TCEANC: variants seen among roughly 807,000 people sequenced by gnomAD.
TCEANC encodes transcription elongation factor A N-terminal and central domain containing, also known as transcription elongation factor A N-terminal and central domain-containing protein.
In TCEANC, 8 loss-of-function variants were observed where a neutral mutation model predicts 8.7. The observed-to-expected ratio is 0.92, with a 90% confidence interval of 0.54 to 1.65. The LOEUF is 1.65. Among genes scored for constraint, TCEANC ranks in the 40% most tolerant of loss-of-function variants. The pLI, the probability that TCEANC is intolerant of heterozygous loss-of-function variation, is 0.00. For synonymous variants in TCEANC, 78 were observed against 92.9 expected (o/e 0.84, Z 0.92); for missense variants, 255 against 251.9 (o/e 1.01, Z -0.08).
upstream of TCEANC, among the ~76,000 whole-genome samples, chrX:13,653,980 A>T (rs2045904211): frequency 8.9e-6 from 1 of 112,143 alleles, no homozygotes; most frequent in South Asian, 3.7e-4. Context: ...TCAGTTCTAG[A>T]ACCGTGGCGT....
At chrX:13,663,426 A>G in exon 2 of TCEANC, 1 of 1,182,898 alleles carries the variant, frequency 8.5e-7, no homozygotes. Context: ...ACAATTGCAA[A>G]GTCACTGTAA....
At chrX:13,657,386 A>G (rs942289358) in intron 1 of TCEANC, among the ~76,000 whole-genome samples, 3 of 112,218 alleles carry the variant, frequency 2.7e-5, no homozygotes, top group African/African-American at 9.7e-5. Flanking sequence ...TTTAGAGAAT[A>G]TTTAATGATG....
chrX:13,662,875 C>G lies in TCEANC; in HGVS notation c.367C>G (p.Leu123Val). 8.3e-7 allele frequency: 1 copy of G among 1,211,849 alleles called. No individual in the cohort carries two copies. The highest frequency in any genetic ancestry group is 1.8e-5 in the South Asian group (1 of 57,012). ...ACTGGGCATCTGCAGCTCGAATTCT[C>G]TGTCTTCCCAAGACGTTGCAAAACT... is the stretch of plus-strand genomic sequence containing the variant. The change falls in exon 2 of 2, where the codon CTG (leucine) becomes GTG (valine). Residue 123 changes from leucine to valine, a missense_variant. Coordinates refer to ENST00000380600, the Ensembl canonical transcript of TCEANC.
intron 1 of TCEANC, among the ~76,000 whole-genome samples, chrX:13,657,761 T>C (rs1166997614): frequency 9.9e-6 from 1 of 100,902 alleles, no homozygotes; most frequent in Non-Finnish European, 2.0e-5. Context: ...TGAGCCAAGA[T>C]TGCACCACTG....
chrX:13,663,132 T>C, exon 2 of TCEANC: 1 of 1,210,779 alleles, frequency 8.3e-7, no homozygotes. Context: ...TTGAAGAGCA[T>C]GTTTTTACCC....
chrX:13,663,687 C>T (rs1171626230), exon 2 of TCEANC: 3 of 697,499 alleles, frequency 4.3e-6, no homozygotes, highest in Non-Finnish European at 4.1e-6. Flanking sequence ...GAAAGAAAGT[C>T]GTTAGCTGAA....
rs776867676 is a variant in TCEANC, at chrX:13,662,987, G to A, written c.479G>A (p.Gly160Asp). 9.9e-6 allele frequency: 12 copies of A among 1,210,972 alleles called. No individual in the cohort carries two copies. In the Admixed American group the frequency reaches 2.6e-4, roughly 26 times the overall value. The change falls in exon 2 of 2, where the codon GGC (glycine) becomes GAC (aspartate). Residue 160 changes from glycine (G) to aspartate (D), a missense_variant. Coordinates refer to ENST00000380600, the Ensembl canonical transcript of TCEANC. Reference sequence around the variant, plus strand: ...GGGGATGGTGACCCTGAATCCACTGGCAAGAGATCGAGTGAGTTGCTGGAT... The same window carrying A: ...GGGGATGGTGACCCTGAATCCACTGACAAGAGATCGAGTGAGTTGCTGGAT...
upstream of TCEANC, chrX:13,653,270 C>T (rs1236514910): frequency 2.7e-5 from 3 of 112,955 alleles, no homozygotes; most frequent in Admixed American, 1.9e-4. Context: ...CACCCCGGCT[C>T]GCGGCAGCTT....
rs2045978006 is a variant in TCEANC at position 13,662,803 on chromosome X, A to T, written c.295A>T (p.Lys99Ter). 1 of 1,209,873 alleles carries T rather than the reference A, an allele frequency of 8.3e-7. No homozygotes were observed. Among genetic ancestry groups the T allele is most frequent in the Non-Finnish European group, 1.1e-6 (1 of 894,925 alleles). ...TAAATTATTTCCTGTGAGGGGTAAT[A>T]AAGAAGAAAATTCAGGACCTTCTCA... Residue 99 changes from lysine (K) to a stop codon, truncating the protein, a stop_gained, in exon 2 of 2, where the codon AAA becomes TAA. Transcript: ENST00000380600. LOFTEE classifies it low-confidence loss of function (END_TRUNC).
chrX:13,655,392 A>G lies in TCEANC; in HGVS notation c.-9+19A>G, dbSNP rs1191406613. The G allele has an allele frequency of 2.7e-5, 3 of 112,489 alleles. No homozygotes were observed. In the East Asian group the frequency reaches 8.3e-4, roughly 31 times the overall value. 9.3% of individuals were successfully genotyped at this position (112,489 alleles called of 1,213,427 possible). On this transcript the variant is annotated intron_variant, in intron 1 of 1. Coordinates refer to ENST00000380600, the Ensembl canonical transcript of TCEANC. ...TGAAGAGGTAAGTGAGAGGGTGAATATCAGGAATTGTGTACATTATGACAC... is the reference window on the plus strand; with the variant it reads ...TGAAGAGGTAAGTGAGAGGGTGAATGTCAGGAATTGTGTACATTATGACAC...
upstream of TCEANC, among the ~76,000 whole-genome samples, chrX:13,653,518 C>T (rs369033189): frequency 6.3e-5 from 7 of 111,739 alleles, no homozygotes; most frequent in East Asian, 8.4e-4. Context: ...CCTCTCGCTG[C>T]ACCTTTACTA....
In TCEANC at chrX:13,664,989, G is replaced by C. The variant is rs182940632; in HGVS notation, c.*1425G>C. 2.6e-3 allele frequency: 316 copies of C among 123,807 alleles called. 2 individuals carry two copies. The highest frequency in any genetic ancestry group is 2.5e-3 in the Non-Finnish European group (132 of 53,374). 10.2% of individuals were successfully genotyped at this position (123,807 alleles called of 1,213,427 possible). A position where few individuals can be genotyped will look rare whatever the true frequency, so the allele number is the denominator to read the frequency against. On this transcript the variant is annotated 3_prime_UTR_variant, in exon 2 of 2. Coordinates refer to ENST00000380600, the Ensembl canonical transcript of TCEANC. ...TTGTTGGAGCTCTGAAGGCCTAACT[G>C]TGTGTACACTTTACCTGCCTGACAG...
chrX:13,663,718 A>AC, exon 2 of TCEANC: 1 of 520,237 alleles, frequency 1.9e-6, no homozygotes, highest in Non-Finnish European at 3.0e-6. Flanking sequence ...CCATCCCTAA[A>AC]AGTTACAGTT....
chrX:13,654,790 C>T (rs773842275), upstream of TCEANC, among the ~76,000 whole-genome samples: 3 of 110,625 alleles, frequency 2.7e-5, no homozygotes, highest in South Asian at 1.2e-3. Flanking sequence ...ATGTTTTGAC[C>T]CCTCAAACCC....
upstream of TCEANC, among the ~76,000 whole-genome samples, chrX:13,654,383 T>G (rs1163883046): frequency 8.9e-6 from 1 of 112,750 alleles, no homozygotes; most frequent in Non-Finnish European, 1.9e-5. Context: ...CCTATCCATT[T>G]ATGTTATTTT....
chrX:13,653,478 G>A (rs1264329128), upstream of TCEANC, among the ~76,000 whole-genome samples: 2 of 111,734 alleles, frequency 1.8e-5, no homozygotes, highest in Non-Finnish European at 3.8e-5. Context: ...CTCGAACCCG[G>A]GCTAGACCGG....
chrX:13,663,830 G>A, exon 2 of TCEANC: 2 of 268,012 alleles, frequency 7.5e-6, no homozygotes, highest in Non-Finnish European at 6.9e-6. Context: ...TAAACTGGGA[G>A]ACTGTGGGAA....
chrX:13,660,831 G>A (rs778902244), intron 1 of TCEANC, among the ~76,000 whole-genome samples, 200 bp from the exon 4 acceptor site: 1 of 111,891 alleles, frequency 8.9e-6, no homozygotes, highest in African/African-American at 3.2e-5. Flanking sequence ...TATGATAACT[G>A]GTTTATTCAT....
chrX:13,653,525 A>G (rs1000425709), upstream of TCEANC, among the ~76,000 whole-genome samples: 3 of 111,308 alleles, frequency 2.7e-5, no homozygotes, highest in African/African-American at 9.8e-5. Context: ...CTGCACCTTT[A>G]CTAGGGGTCA....
Sources: gnomAD v4.1 joint callset for allele counts (sites outside exome capture counted in the v4.1 genomes callset) on GRCh38, gnomAD v4.1.1 for gene constraint, MANE v1.5 for transcripts, NCBI Gene and HGNC (gene_info 2026-07-23, HGNC 2026-07-21) for gene names.